LNX1: variants seen among roughly 807,000 people sequenced by gnomAD.
LNX1 encodes E3 ubiquitin-protein ligase LNX.
Under a neutral mutation model 68.4 loss-of-function variants are expected in LNX1, and 54 were observed. That is an observed-to-expected ratio of 0.79 (90% CI 0.63 to 0.99). The LOEUF (loss-of-function observed/expected upper bound fraction) is 0.99, where lower values mean the gene tolerates loss of function less well. Ranked by LOEUF, LNX1 falls within the 50% of genes least tolerant of loss-of-function variation. The pLI, the probability that LNX1 is intolerant of heterozygous loss-of-function variation, is 0.00. For synonymous variants in LNX1, 336 were observed against 350.0 expected, an observed-to-expected ratio of 0.96 and a Z score of 0.45; for missense variants, 906 against 926.4, an observed-to-expected ratio of 0.98 and a Z score of 0.29.
At chr4:53,606,419 T>G (rs1166885212) in intron 2 of LNX1, among the ~76,000 whole-genome samples, 1 of 151,764 alleles carries the variant, frequency 6.6e-6, no homozygotes, top group African/African-American at 2.4e-5. Context: ...AGTAATGAGT[T>G]CTGAAACTGA....
intron 2 of LNX1, among the ~76,000 whole-genome samples, chr4:53,554,620 A>C (rs549702741): frequency 1.3e-5 from 2 of 152,220 alleles, no homozygotes; most frequent in Admixed American, 6.5e-5. Flanking sequence ...TTGGGAGGCC[A>C]AGGTGGGTGG....
chr4:53,478,665 G>C lies in LNX1; in HGVS notation c.1563C>G (p.Thr521=). 6.2e-7 allele frequency: 1 copy of C among 1,614,038 alleles called. No homozygotes were observed. The highest frequency in any genetic ancestry group is 8.5e-7 in the Non-Finnish European group (1 of 1,179,960). The change falls in exon 8 of 11, where the codon ACC becomes ACG. Residue 521 remains threonine (T), a synonymous_variant. Transcript: ENST00000263925. ...CTCTATGTGATGCTCCCCCTGCGAC[G>C]GTCATGCCGAGAGATTCACCGGGGT... is the stretch of plus-strand genomic sequence containing the variant. ...QKDPGESLGM[T]VAGGASHREW...
chr4:53,472,797 G>A (rs1184253099), intron 9 of LNX1, among the ~76,000 whole-genome samples: 1 of 151,914 alleles, frequency 6.6e-6, no homozygotes, highest in African/African-American at 2.4e-5. Flanking sequence ...GCCAAGCAGG[G>A]GGAAGGCTGA....
intron 1 of LNX1, among the ~76,000 whole-genome samples, chr4:53,629,163 C>T (rs748466100): frequency 3.9e-5 from 6 of 152,170 alleles, no homozygotes; most frequent in Non-Finnish European, 8.8e-5. Flanking sequence ...CAAAAAGTCT[C>T]TTCTTGAGAC....
chr4:53,643,444 C>G (rs900153789), intron 1 of LNX1, among the ~76,000 whole-genome samples: 1 of 152,080 alleles, frequency 6.6e-6, no homozygotes, highest in Non-Finnish European at 1.5e-5. Flanking sequence ...GACACCATCC[C>G]GGTCAAGAAA....
chr4:53,520,828 G>A (rs534374929), intron 2 of LNX1, among the ~76,000 whole-genome samples: 116 of 152,236 alleles, frequency 7.6e-4, no homozygotes, highest in African/African-American at 2.7e-3. Flanking sequence ...TGGGTGTGGT[G>A]GTGAGTGCCT....
chr4:53,529,937 A>C (rs1389615124), intron 2 of LNX1, among the ~76,000 whole-genome samples: 1 of 122,296 alleles, frequency 8.2e-6, no homozygotes, highest in African/African-American at 2.6e-5. Flanking sequence ...TGCGGACAAA[A>C]ATGCTACAGA....
At chr4:53,576,657 C>T (rs1731505957) in intron 1 of LNX1, among the ~76,000 whole-genome samples, 1 of 151,306 alleles carries the variant, frequency 6.6e-6, no homozygotes, top group South Asian at 2.1e-4. Context: ...AAAAAAGAAT[C>T]CTGCCTCTTC....
chr4:53,613,185 TAAA>T (rs1449451555), intron 2 of LNX1, among the ~76,000 whole-genome samples: 3 of 151,364 alleles, frequency 2.0e-5, no homozygotes, highest in Non-Finnish European at 4.4e-5. Flanking sequence ...GGAAAAGGAA[TAAA>T]AAGACCCCCT....
chr4:53,599,813 C>T (rs1280223514), intron 2 of LNX1, among the ~76,000 whole-genome samples: 6 of 152,170 alleles, frequency 3.9e-5, no homozygotes, highest in African/African-American at 9.7e-5. Context: ...CCTCTTATAG[C>T]TTTAGAATTT....
chr4:53,575,675 C>A lies in LNX1; in HGVS notation c.-86-1587G>T, dbSNP rs28392904. The A allele has an allele frequency of 9.3e-5, 128 of 1,375,866 alleles. No individual in the cohort carries two copies. The East Asian group carries it at 2.8e-3, about 30-fold the overall frequency. 85.2% of individuals were successfully genotyped at this position (1,375,866 alleles called of 1,614,324 possible). On this transcript the variant is annotated intron_variant, in intron 1 of 10. Coordinates refer to ENST00000263925, the MANE Select transcript of LNX1 (RefSeq NM_001126328.3). Reference sequence around the variant, plus strand: ...GCACCAGGTATCTGCATCTGGGACCCACCCCCTGGGCTGGCTAATCAAGGA... The same window carrying A: ...GCACCAGGTATCTGCATCTGGGACCAACCCCCTGGGCTGGCTAATCAAGGA...
intron 1 of LNX1, among the ~76,000 whole-genome samples, chr4:53,628,911 T>C (rs1183389461): frequency 6.6e-6 from 1 of 152,136 alleles, no homozygotes; most frequent in Admixed American, 6.6e-5. Flanking sequence ...CACTTATAAG[T>C]TGGAGCTAAG....
intron 1 of LNX1, among the ~76,000 whole-genome samples, chr4:53,633,298 C>A (rs1025014995): frequency 6.6e-6 from 1 of 152,176 alleles, no homozygotes; most frequent in Non-Finnish European, 1.5e-5. Context: ...CCCCCATCCA[C>A]GCATGGTTCT....
chr4:53,601,260 G>T (rs1444609990), intron 2 of LNX1, among the ~76,000 whole-genome samples: 2 of 152,122 alleles, frequency 1.3e-5, no homozygotes, highest in Admixed American at 6.5e-5. Context: ...GTCTTAATTT[G>T]AGTCTTTGTC....
chr4:53,544,615 G>A (rs1186931493), intron 2 of LNX1, among the ~76,000 whole-genome samples: 1 of 152,226 alleles, frequency 6.6e-6, no homozygotes, highest in Non-Finnish European at 1.5e-5. Context: ...CCCTGGAGTG[G>A]TAAGACACCA....
In LNX1 at chr4:53,478,729, G is replaced by A. The variant is rs148910237; in HGVS notation, c.1499C>T (p.Thr500Ile). 1.2e-6 allele frequency: 2 copies of A among 1,613,780 alleles called. No homozygotes were observed. Among genetic ancestry groups the A allele is most frequent in the Non-Finnish European group, 1.7e-6 (2 of 1,179,818 alleles). The part of the protein sequence containing the change: ...RSNTPKPLHP[T>I]ITCHEKVVNI... ...TACCACCTTCTCATGACAAGTAATT[G>A]TAGGATGGAGGGGCTGAAGGCACAG... Residue 500 changes from threonine to isoleucine, a missense_variant, in exon 8 of 11, where the codon ACA (threonine) becomes ATA (isoleucine). Thr to Ile is a moderately conservative substitution (Grantham distance 89). Transcript: ENST00000263925.
chr4:53,599,336 C>T (rs535585130), intron 2 of LNX1, among the ~76,000 whole-genome samples: 8 of 152,298 alleles, frequency 5.3e-5, no homozygotes, highest in African/African-American at 1.9e-4. Flanking sequence ...TGGTCGTCCT[C>T]ACTGCTACAC....
At chr4:53,609,594 T>C (rs1232844582) in intron 2 of LNX1, among the ~76,000 whole-genome samples, 4 of 146,370 alleles carry the variant, frequency 2.7e-5, no homozygotes, top group Non-Finnish European at 6.0e-5. Context: ...TATATAATTA[T>C]ATATTATATG....
intron 2 of LNX1, among the ~76,000 whole-genome samples, chr4:53,546,903 G>A (rs1312270072): frequency 2.6e-5 from 4 of 152,310 alleles, no homozygotes; most frequent in Middle Eastern, 3.4e-3. Flanking sequence ...TGTGGAAGGC[G>A]AGGCCTCAGC....
Sources: allele counts gnomAD v4.1 joint callset (sites outside exome capture counted in the v4.1 genomes callset), GRCh38; gene constraint gnomAD v4.1.1; transcripts MANE v1.5; gene names NCBI Gene and HGNC (gene_info 2026-07-23, HGNC 2026-07-21).